The following DNM3 variants were observed in gnomAD, a reference collection of about 807,000 sequenced individuals.
DNM3 encodes the protein dynamin-3.
In DNM3, 47 loss-of-function variants were observed where a neutral mutation model predicts 101.6. The ratio of observed to expected loss-of-function variants is 0.46; its 90% CI spans 0.37 to 0.59. The LOEUF is 0.59. DNM3 is among the 20% of genes least tolerant of loss of function. The pLI, the probability that DNM3 is intolerant of heterozygous loss-of-function variation, is 0.00. For synonymous variants in DNM3, 385 were observed against 387.9 expected, an observed-to-expected ratio of 0.99 and a Z score of 0.09; for missense variants, 849 against 1,085.7, an observed-to-expected ratio of 0.78 and a Z score of 3.06.
intron 16 of DNM3, 126 bp from the exon 17 acceptor site, chr1:172,323,203 A>G: frequency 1.0e-6 from 1 of 977,622 alleles, no homozygotes; most frequent in Non-Finnish European, 1.5e-6. Context: ...ATTTCACTCT[A>G]GCAAGAAAAA....
chr1:171,924,466 G>A (rs902674275), intron 2 of DNM3, among the ~76,000 whole-genome samples: 3 of 152,196 alleles, frequency 2.0e-5, no homozygotes, highest in Non-Finnish European at 4.4e-5. Context: ...GCATGGCTGG[G>A]GAGGTCTCAG....
At chr1:172,155,604 C>A (rs2058307345) in intron 14 of DNM3, among the ~76,000 whole-genome samples, 1 of 151,994 alleles carries the variant, frequency 6.6e-6, no homozygotes, top group Non-Finnish European at 1.5e-5. Flanking sequence ...ATGGAAAGTG[C>A]CATTTTTCAG....
chr1:172,071,227 T>C (rs1005049034), intron 11 of DNM3, among the ~76,000 whole-genome samples: 1 of 151,254 alleles, frequency 6.6e-6, no homozygotes, highest in Non-Finnish European at 1.5e-5. Context: ...GGGAAATTGT[T>C]TTCAATCTGC....
intron 16 of DNM3, chr1:172,310,801 A>G (rs1307707353): frequency 1.3e-5 from 2 of 152,172 alleles, no homozygotes; most frequent in Non-Finnish European, 2.9e-5. Context: ...AGCCTTTTGA[A>G]TTTTATTCTA....
intron 11 of DNM3, among the ~76,000 whole-genome samples, chr1:172,078,720 AT>A (rs929141634): frequency 2.0e-5 from 3 of 151,568 alleles, no homozygotes; most frequent in Admixed American, 1.3e-4. Flanking sequence ...TATAGTGTCG[AT>A]TTTTTTTACC....
intron 8 of DNM3, 88 bp downstream of exon 8, chr1:172,042,232 A>G (rs2049439548): frequency 7.6e-7 from 1 of 1,317,650 alleles, no homozygotes; most frequent in Non-Finnish European, 1.0e-6. Flanking sequence ...TGTGAGTGGT[A>G]TAGAACTAAC....
chr1:172,054,824 TGG>T (rs1236909966), intron 10 of DNM3, among the ~76,000 whole-genome samples: 1 of 151,824 alleles, frequency 6.6e-6, no homozygotes, highest in African/African-American at 2.4e-5. Context: ...CCAATCATGG[TGG>T]GGGGTGCCTA....
intron 14 of DNM3, among the ~76,000 whole-genome samples, chr1:172,201,390 C>T (rs2060146556): frequency 1.3e-5 from 2 of 152,172 alleles, no homozygotes; most frequent in African/African-American, 4.8e-5. Context: ...TCTTCCCCAA[C>T]TTGGAGACAA....
intron 20 of DNM3, 75 bp downstream of exon 20, chr1:172,388,884 T>G: frequency 8.1e-7 from 1 of 1,238,798 alleles, no homozygotes; most frequent in East Asian, 2.6e-5. Context: ...CAAAATTTAT[T>G]TGAAAGAGAA....
At chr1:172,051,985 T>G (rs2125874157) in intron 10 of DNM3, among the ~76,000 whole-genome samples, 1 of 152,316 alleles carries the variant, frequency 6.6e-6, no homozygotes, top group South Asian at 2.1e-4. Context: ...TTCTTCTTAG[T>G]CCAATTTCAA....
Position 172,180,905 on chromosome 1 carries a change from A to G in DNM3, c.1659+49617A>G, listed in dbSNP as rs538669549. ...AATAGTTTATTTCCTACTCATGGAT[A>G]TAAGGCAAAATAACATTAAACAAGA... On this transcript the variant is annotated intron_variant, in intron 14 of 20. Transcript: ENST00000627582. 2.6e-5 allele frequency among the ~76,000 whole-genome samples: 4 copies of G among 152,226 alleles called. No homozygotes were observed. In the East Asian group the frequency reaches 7.8e-4, roughly 30 times the overall value.
At chr1:171,945,580 G>A (rs554770588) in intron 2 of DNM3, among the ~76,000 whole-genome samples, 1 of 152,300 alleles carries the variant, frequency 6.6e-6, no homozygotes, top group South Asian at 2.1e-4. Context: ...TGGGGGAAAT[G>A]GAGGAAGTTG....
intron 4 of DNM3, among the ~76,000 whole-genome samples, chr1:172,027,214 T>C (rs1235081733): frequency 6.6e-6 from 1 of 152,140 alleles, no homozygotes; most frequent in Non-Finnish European, 1.5e-5. Flanking sequence ...CCAGCTAGCA[T>C]CATAATGACA....
In DNM3 at chr1:172,197,687, C is replaced by T. The variant is rs373838035; in HGVS notation, c.1660-55886C>T. ...TTTGTGGCACTTATGAATGGGATTG[C>T]CTTTCTGATTTGACTCTTGTTTTGG... On this transcript the variant is annotated intron_variant, in intron 14 of 20. Transcript: ENST00000627582. Among the ~76,000 whole-genome samples the T allele has an allele frequency of 2.0e-5, 3 of 151,992 alleles. No homozygotes were observed. The South Asian group carries it at 6.2e-4, about 32-fold the overall frequency.
chr1:172,055,941 T>A (rs899228749), intron 10 of DNM3, among the ~76,000 whole-genome samples: 4 of 152,106 alleles, frequency 2.6e-5, no homozygotes, highest in African/African-American at 7.2e-5. Flanking sequence ...CGGGTTCATC[T>A]CACTAGGGAG....
chr1:172,131,790 C>A (rs1473457686), intron 14 of DNM3: 7 of 395,272 alleles, frequency 1.8e-5, no homozygotes, highest in South Asian at 9.7e-5. Context: ...ATTGTTTATA[C>A]AAATTTTGTT....
intron 1 of DNM3, among the ~76,000 whole-genome samples, chr1:171,916,768 A>G (rs1015447624): frequency 6.6e-6 from 1 of 152,170 alleles, no homozygotes; most frequent in Non-Finnish European, 1.5e-5. Flanking sequence ...TCCCACAGAA[A>G]ATAGACAAAC....
At chr1:171,920,908 C>T (rs1278658835) in intron 1 of DNM3, among the ~76,000 whole-genome samples, 1 of 152,218 alleles carries the variant, frequency 6.6e-6, no homozygotes, top group Middle Eastern at 3.4e-3. Context: ...ATACTTATTT[C>T]TACTTGATCC....
At chr1:171,842,104 C>T (rs1385102426) in intron 1 of DNM3, among the ~76,000 whole-genome samples, 3 of 152,114 alleles carry the variant, frequency 2.0e-5, no homozygotes, top group East Asian at 1.9e-4. Context: ...GTCGGGGAGT[C>T]GGGGGAGGGG....
Sources: allele counts gnomAD v4.1 joint callset (sites outside exome capture counted in the v4.1 genomes callset), GRCh38; gene constraint gnomAD v4.1.1; transcripts MANE v1.5; gene names NCBI Gene and HGNC (gene_info 2026-07-23, HGNC 2026-07-21).